DOCK1: variants seen among roughly 807,000 people sequenced by gnomAD.
DOCK1 encodes dedicator of cytokinesis protein 1.
Under a neutral mutation model 262.7 loss-of-function variants are expected in DOCK1, and 138 were observed. The ratio of observed to expected loss-of-function variants is 0.53; its 90% CI spans 0.46 to 0.61. The LOEUF is 0.61. Among genes scored for constraint, DOCK1 ranks in the 20% least tolerant of loss-of-function variants. DOCK1 has a pLI of 0.00. For synonymous variants in DOCK1, 866 were observed against 867.4 expected (o/e 1.00, Z 0.03); for missense variants, 1,908 against 2,370.7 (o/e 0.80, Z 4.05).
intron 28 of DOCK1, among the ~76,000 whole-genome samples, chr10:127,248,592 A>T (rs2059510760): frequency 1.3e-5 from 2 of 152,254 alleles, no homozygotes; most frequent in South Asian, 4.1e-4. Flanking sequence ...TAAAACTATG[A>T]TACAACTTAA....
chr10:127,315,619 A>G (rs1045655134), intron 29 of DOCK1, among the ~76,000 whole-genome samples: 3 of 152,176 alleles, frequency 2.0e-5, no homozygotes, highest in Admixed American at 1.3e-4. Context: ...GGCAGCCCCA[A>G]CGAACTAATA....
intron 38 of DOCK1, among the ~76,000 whole-genome samples, chr10:127,395,721 G>C (rs2066785081): frequency 6.6e-6 from 1 of 152,242 alleles, no homozygotes; most frequent in African/African-American, 2.4e-5. Context: ...ATTGGGCCAG[G>C]CCTGAGCCCC....
chr10:126,996,271 T>A (rs929524834), intron 6 of DOCK1, among the ~76,000 whole-genome samples: 2 of 150,464 alleles, frequency 1.3e-5, no homozygotes, highest in Non-Finnish European at 2.9e-5. Flanking sequence ...CCCCAGCTAC[T>A]CGGGAGGCTG....
At chr10:127,441,599 C>T (rs2070140877) in intron 49 of DOCK1, among the ~76,000 whole-genome samples, 1 of 152,132 alleles carries the variant, frequency 6.6e-6, no homozygotes, top group Non-Finnish European at 1.5e-5. Context: ...CGGCTGCGTG[C>T]CAGTGACCAG....
chr10:127,093,242 C>CTTTTTT (rs200302331), intron 23 of DOCK1, among the ~76,000 whole-genome samples: 5 of 79,342 alleles, frequency 6.3e-5, no homozygotes, highest in Admixed American at 1.5e-4. Context: ...TTTCTTTCTT[C>CTTTTTT]TTTTTTTTTT....
intron 2 of DOCK1, among the ~76,000 whole-genome samples, chr10:126,974,228 G>A (rs1174967072): frequency 1.3e-5 from 2 of 152,090 alleles, no homozygotes; most frequent in African/African-American, 2.4e-5. Context: ...GTTTCCATAG[G>A]GTCCCCAGGG....
At chr10:127,388,590 C>A (rs1008529159) in intron 38 of DOCK1, among the ~76,000 whole-genome samples, 2 of 152,232 alleles carry the variant, frequency 1.3e-5, no homozygotes, top group African/African-American at 4.8e-5. Flanking sequence ...CTCCGAATCT[C>A]CATGGCTCCA....
chr10:127,350,603 T>C lies in DOCK1; in HGVS notation c.3225-4066T>C, dbSNP rs750712546. 3.3e-5 allele frequency among the ~76,000 whole-genome samples: 5 copies of C among 152,340 alleles called. No individual in the cohort carries two copies. In the East Asian group the frequency reaches 9.6e-4, roughly 29 times the overall value. ...TCCTGGCTTTTGCAGAAACAATTCCTCTATGTATCTATCCGTGTTTATCTT... is the reference window on the plus strand; with the variant it reads ...TCCTGGCTTTTGCAGAAACAATTCCCCTATGTATCTATCCGTGTTTATCTT... On this transcript the variant is annotated intron_variant, in intron 31 of 51. Coordinates refer to ENST00000623213, the MANE Select transcript of DOCK1 (RefSeq NM_001290223.2).
chr10:127,229,853 G>T (rs2058777941), intron 27 of DOCK1, among the ~76,000 whole-genome samples: 1 of 152,124 alleles, frequency 6.6e-6, no homozygotes, highest in South Asian at 2.1e-4. Context: ...CCCATCCACA[G>T]CACACAGGGG....
In DOCK1 at chr10:127,105,260, A is replaced by G. The variant is rs1189140479; in HGVS notation, c.2446-971A>G. On this transcript the variant is annotated intron_variant, in intron 23 of 51. Transcript: ENST00000623213. ...TTTCCTTTATAAATTACCCAGTCTCAGGTATTTCTTCATAGTAGGATGAAA... is the reference window on the plus strand; with the variant it reads ...TTTCCTTTATAAATTACCCAGTCTCGGGTATTTCTTCATAGTAGGATGAAA... Among the ~76,000 whole-genome samples, 3 of 152,162 alleles carry G rather than the reference A, an allele frequency of 2.0e-5. No homozygotes were observed. In the East Asian group the frequency reaches 5.8e-4, roughly 29 times the overall value.
At chr10:126,923,870 T>C (rs1430711598) in intron 1 of DOCK1, among the ~76,000 whole-genome samples, 1 of 152,172 alleles carries the variant, frequency 6.6e-6, no homozygotes, top group Non-Finnish European at 1.5e-5. Flanking sequence ...CCTTCTACCC[T>C]GTGAGGACAC....
At chr10:127,413,364 G>A (rs1168367113) in intron 43 of DOCK1, among the ~76,000 whole-genome samples, 1 of 152,202 alleles carries the variant, frequency 6.6e-6, no homozygotes, top group Non-Finnish European at 1.5e-5. Context: ...CTTGGACAAA[G>A]TGTTCGGAAG....
chr10:127,423,313 C>T (rs917686753), intron 46 of DOCK1, among the ~76,000 whole-genome samples: 2 of 152,068 alleles, frequency 1.3e-5, no homozygotes, highest in Non-Finnish European at 2.9e-5. Context: ...TTTTCATCAC[C>T]GATATATAAT....
intron 27 of DOCK1, among the ~76,000 whole-genome samples, chr10:127,244,319 T>C (rs1342480387): frequency 6.6e-6 from 1 of 152,226 alleles, no homozygotes. Context: ...CAGTTTCTTG[T>C]GGTGGATGTT....
chr10:127,110,313 G>C lies in DOCK1; in HGVS notation c.2582G>C (p.Cys861Ser), dbSNP rs765539210. ...MGLLTIQKLY[C>S]LIEIVHSDLF... Reference sequence around the variant, plus strand: ...TTGCTGACCATCCAGAAACTCTACTGCTTGATCGAAATCGTCCACAGTGAC... The same window carrying C: ...TTGCTGACCATCCAGAAACTCTACTCCTTGATCGAAATCGTCCACAGTGAC... Residue 861 changes from cysteine to serine, a missense_variant, in exon 25 of 52, where the codon TGC becomes TCC. Cys to Ser is a moderately radical substitution (Grantham distance 112). This residue lies in a region of DOCK1 where 518 missense variants were observed against 575.1 expected (regional missense o/e 0.90). Transcript: ENST00000623213. 2 of 1,613,580 alleles carry C rather than the reference G, an allele frequency of 1.2e-6. No homozygotes were observed. The highest frequency in any genetic ancestry group is 1.7e-6 in the Non-Finnish European group (2 of 1,179,772).
intron 50 of DOCK1, among the ~76,000 whole-genome samples, chr10:127,445,500 T>C (rs1045155439): frequency 6.6e-6 from 1 of 152,192 alleles, no homozygotes; most frequent in Non-Finnish European, 1.5e-5. Flanking sequence ...CTTCACATCC[T>C]TGCACTATTA....
intron 28 of DOCK1, among the ~76,000 whole-genome samples, chr10:127,252,970 A>G (rs968863165): frequency 3.9e-5 from 6 of 152,252 alleles, no homozygotes; most frequent in East Asian, 1.9e-4. Flanking sequence ...TCATTTTCAT[A>G]CAAAATCACA....
At chr10:127,447,297 G>C in intron 50 of DOCK1, 97 bp from the exon 51 acceptor site, 1 of 1,518,758 alleles carries the variant, frequency 6.6e-7, no homozygotes, top group Non-Finnish European at 8.9e-7. Context: ...TGTTTCTGCT[G>C]TGCCTGCCTC....
chr10:126,915,338 C>G (rs1251659915), intron 1 of DOCK1, among the ~76,000 whole-genome samples: 1 of 150,634 alleles, frequency 6.6e-6, no homozygotes, highest in East Asian at 2.0e-4. Context: ...TATTTTGCTA[C>G]TTATGTCCTA....
Sources: allele counts gnomAD v4.1 joint callset (sites outside exome capture counted in the v4.1 genomes callset), GRCh38; gene constraint gnomAD v4.1.1; regional missense constraint gnomAD v4.1.1; transcripts MANE v1.5; gene names NCBI Gene and HGNC (gene_info 2026-07-23, HGNC 2026-07-21).